The following PRSS3 variants were observed in gnomAD, a reference collection of about 807,000 sequenced individuals.
PRSS3 encodes the protein trypsin-3.
PRSS3 carries 14 observed loss-of-function variants against 20.8 expected under a neutral mutation model. The ratio of observed to expected loss-of-function variants is 0.67; its 90% CI spans 0.44 to 1.05. PRSS3 has a LOEUF of 1.05. Among genes scored for constraint, PRSS3 ranks in the 50% least tolerant of loss-of-function variants. The pLI is 0.00. For synonymous variants in PRSS3, 91 were observed against 117.6 expected (o/e 0.77, Z 1.46); for missense variants, 237 against 306.4 (o/e 0.77, Z 1.69).
At chr9:33,794,387 A>G (rs1220216961), upstream of PRSS3, among the ~76,000 whole-genome samples, 1 of 152,166 alleles carries the variant, frequency 6.6e-6, no homozygotes, top group East Asian at 1.9e-4. Flanking sequence ...CAGCATCTCC[A>G]TCTCCACACT....
intron 1 of PRSS3, among the ~76,000 whole-genome samples, chr9:33,770,982 A>G (rs1282995610): frequency 1.3e-5 from 2 of 152,194 alleles, no homozygotes; most frequent in Non-Finnish European, 1.5e-5. Context: ...TTATGAATTG[A>G]AAGGCAAACC....
chr9:33,753,892 C>T (rs1822809876), intron 1 of PRSS3, among the ~76,000 whole-genome samples: 1 of 152,078 alleles, frequency 6.6e-6, no homozygotes, highest in Non-Finnish European at 1.5e-5. Context: ...AAAGGGGTTC[C>T]GATATGAACT....
intron 1 of PRSS3, among the ~76,000 whole-genome samples, chr9:33,770,717 G>A (rs1373121711): frequency 1.3e-5 from 2 of 152,172 alleles, no homozygotes; most frequent in Non-Finnish European, 1.5e-5. Context: ...GACACTGAGA[G>A]AAGATGGCCA....
chr9:33,794,061 G>A (rs1824773175), upstream of PRSS3, among the ~76,000 whole-genome samples: 1 of 152,216 alleles, frequency 6.6e-6, no homozygotes, highest in Admixed American at 6.5e-5. Flanking sequence ...GCCAGGAGCT[G>A]AACCTGAAGG....
chr9:33,796,612 C>T (rs1400841691), intron 1 of PRSS3, 31 bp from the exon 2 acceptor site: 1 of 1,612,522 alleles, frequency 6.2e-7, no homozygotes, highest in East Asian at 2.2e-5. Flanking sequence ...ATGCTACTGA[C>T]TTGCCTTCTC....
rs192285589 is a variant in PRSS3, at chr9:33,773,525, C to T, written c.-52-21221C>T. On this transcript the variant is annotated intron_variant, in intron 1 of 5. Coordinates refer to the PRSS3 transcript ENST00000342836. ...GTGAAAGGCAAAGTTACTACTTGTC[C>T]AAAACATTCAATCCTCCCCTCACAC... 4.9e-3 allele frequency among the ~76,000 whole-genome samples: 739 copies of T among 152,238 alleles called. 11 individuals are homozygous for T. Among genetic ancestry groups the T allele is most frequent in the Admixed American group, 0.037 (567 of 15,284 alleles).
At chr9:33,770,055 G>A (rs1346514754) in intron 1 of PRSS3, among the ~76,000 whole-genome samples, 1 of 151,866 alleles carries the variant, frequency 6.6e-6, no homozygotes, top group Non-Finnish European at 1.5e-5. Context: ...TGAGGCAGGA[G>A]AATCACTTGA....
chr9:33,789,899 T>G (rs868393686), intron 1 of PRSS3, among the ~76,000 whole-genome samples: 1 of 152,228 alleles, frequency 6.6e-6, no homozygotes, highest in South Asian at 2.1e-4. Flanking sequence ...AGTTACACAA[T>G]TTCTCCATGC....
At chr9:33,778,171 T>C (rs747079963) in intron 1 of PRSS3, among the ~76,000 whole-genome samples, 4 of 152,012 alleles carry the variant, frequency 2.6e-5, no homozygotes, top group Non-Finnish European at 5.9e-5. Flanking sequence ...ACTCAGAAAA[T>C]TAGGTTGAAA....
At position 33,773,769 on chromosome 9, in the gene PRSS3, G is replaced by C. The variant is rs10971697; in HGVS notation, c.-52-20977G>C. 2.5e-3 allele frequency among the ~76,000 whole-genome samples: 381 copies of C among 152,010 alleles called. 4 individuals are homozygous for C. The highest frequency in any genetic ancestry group is 8.8e-3 in the African/African-American group (365 of 41,450). On this transcript the variant is annotated intron_variant, in intron 1 of 5. Transcript: ENST00000342836. ...AGCAATCCTCCCATCTCAGCCTCCC[G>C]AGTAGCTTGGACTACGGCGTGCCCT... is the stretch of plus-strand genomic sequence containing the variant.
At chr9:33,754,260 C>T (rs1206145731) in intron 1 of PRSS3, among the ~76,000 whole-genome samples, 4 of 151,820 alleles carry the variant, frequency 2.6e-5, no homozygotes, top group South Asian at 2.1e-4. Flanking sequence ...TTAGTAGAGA[C>T]GGGGTTTCAC....
Position 33,796,725 on chromosome 9 carries a change from G to C in PRSS3, c.123G>C (p.Leu41=). ...EENSLPYQVS[L]NSGSHFCGGS... ...ATTCTCTCCCCTACCAGGTGTCCCT[G>C]AATTCTGGCTCCCACTTCTGCGGTG... is the stretch of plus-strand genomic sequence containing the variant. Residue 41 remains leucine (L), a synonymous_variant, in exon 2 of 5, where the codon CTG becomes CTC. Transcript: ENST00000379405. The C allele has an allele frequency of 6.2e-7, 1 of 1,614,030 alleles. No individual in the cohort carries two copies. The highest frequency in any genetic ancestry group is 8.5e-7 in the Non-Finnish European group (1 of 1,179,878).
intron 1 of PRSS3, among the ~76,000 whole-genome samples, chr9:33,788,938 A>G (rs1304560029): frequency 6.6e-6 from 1 of 152,158 alleles, no homozygotes; most frequent in Non-Finnish European, 1.5e-5. Context: ...TAAGCCTCTA[A>G]TTTAATCTTT....
In PRSS3 at chr9:33,798,570, C is replaced by T; in HGVS notation, c.539C>T (p.Thr180Ile). 1 of 1,614,194 alleles carries T rather than the reference C, an allele frequency of 6.2e-7. No homozygotes were observed. Among genetic ancestry groups the T allele is most frequent in the Non-Finnish European group, 8.5e-7 (1 of 1,180,038 alleles). The change falls in exon 4 of 5, where the codon ACC (threonine) becomes ATC (isoleucine). Residue 180 changes from threonine (T) to isoleucine (I), a missense_variant. Coordinates refer to ENST00000379405, the MANE Select transcript of PRSS3 (RefSeq NM_002771.4). ...AAAGCCTCCTACCCTGGAAAGATTA[C>T]CAACAGCATGTTCTGTGTGGGCTTC... ...ECKASYPGKI[T>I]NSMFCVGFLE...
At chr9:33,780,321 T>C (rs1332865903) in intron 1 of PRSS3, among the ~76,000 whole-genome samples, 1 of 152,170 alleles carries the variant, frequency 6.6e-6, no homozygotes, top group African/African-American at 2.4e-5. Context: ...TTAAACTTCA[T>C]AAATGAAGGA....
intron 1 of PRSS3, among the ~76,000 whole-genome samples, chr9:33,773,145 C>T (rs1366857263): frequency 6.6e-6 from 1 of 152,114 alleles, no homozygotes; most frequent in African/African-American, 2.4e-5. Context: ...CCTCATTCTC[C>T]CTTACTCTTG....
intron 1 of PRSS3, among the ~76,000 whole-genome samples, chr9:33,762,604 GGACA>G (rs1283897663): frequency 3.9e-5 from 6 of 152,172 alleles, no homozygotes; most frequent in Non-Finnish European, 8.8e-5. Context: ...GTGCCGGCAA[GGACA>G]GATTCAGAAT....
intron 1 of PRSS3, among the ~76,000 whole-genome samples, chr9:33,768,636 C>T (rs1334719826): frequency 6.7e-6 from 1 of 150,092 alleles, no homozygotes; most frequent in East Asian, 2.0e-4. Flanking sequence ...ACAGGTGGAT[C>T]ACCTGAGGTC....
At chr9:33,777,618 A>G (rs1563962221) in intron 1 of PRSS3, among the ~76,000 whole-genome samples, 3 of 151,152 alleles carry the variant, frequency 2.0e-5, no homozygotes, top group African/African-American at 7.3e-5. Flanking sequence ...TGAGGCAGGA[A>G]AATGGCGTGA....
Sources: gnomAD v4.1 joint callset for allele counts (sites outside exome capture counted in the v4.1 genomes callset) on GRCh38, gnomAD v4.1.1 for gene constraint, MANE v1.5 for transcripts, NCBI Gene and HGNC (gene_info 2026-07-23, HGNC 2026-07-21) for gene names.